Variants in CAPN13 observed in about 807,000 individuals in gnomAD.
CAPN13 encodes calpain 13, also known as calpain-13.
In CAPN13, 90 loss-of-function variants were observed where a neutral mutation model predicts 98.4. That is an observed-to-expected ratio of 0.92 (90% CI 0.77 to 1.09). CAPN13 has a LOEUF of 1.09. CAPN13 is among the 50% of genes least tolerant of loss of function. The pLI, the probability that CAPN13 is intolerant of heterozygous loss-of-function variation, is 0.00. For synonymous variants in CAPN13, 330 were observed against 305.5 expected (o/e 1.08, Z -0.84); for missense variants, 887 against 841.3 (o/e 1.05, Z -0.67).
chr2:30,730,671 G>C (rs1671038218), intron 22 of CAPN13, 59 bp downstream of exon 22: 2 of 770,260 alleles, frequency 2.6e-6, no homozygotes, highest in South Asian at 2.8e-5. Flanking sequence ...GCAGTTCTTA[G>C]AGGGGAAGGA....
At chr2:30,799,839 C>T (rs1675084289) in intron 1 of CAPN13, among the ~76,000 whole-genome samples, 1 of 152,022 alleles carries the variant, frequency 6.6e-6, no homozygotes, top group Admixed American at 6.5e-5. Context: ...TTTGGGAGGC[C>T]AAGGTGGGCG....
intron 4 of CAPN13, among the ~76,000 whole-genome samples, chr2:30,774,538 GTGGCAATATATTTGAAAATA>G (rs1436687440): frequency 1.3e-5 from 2 of 152,172 alleles, no homozygotes; most frequent in Non-Finnish European, 2.9e-5. Context: ...AAGCAACTCA[GTGGCAATATATTTGAAAATA>G]CCGAAGAAAC....
intron 2 of CAPN13, among the ~76,000 whole-genome samples, chr2:30,786,155 T>C (rs1674266286): frequency 1.3e-5 from 2 of 152,184 alleles, no homozygotes; most frequent in Admixed American, 6.5e-5. Flanking sequence ...TAGTCACCAA[T>C]AGAAAATAAC....
chr2:30,785,850 C>G (rs1190506342), intron 2 of CAPN13, among the ~76,000 whole-genome samples: 1 of 152,168 alleles, frequency 6.6e-6, no homozygotes, highest in African/African-American at 2.4e-5. Context: ...TCTGCTTCAG[C>G]TCTCCTTAGG....
intron 22 of CAPN13, among the ~76,000 whole-genome samples, chr2:30,730,290 T>A (rs1440795594): frequency 2.0e-5 from 3 of 152,224 alleles, no homozygotes; most frequent in Non-Finnish European, 4.4e-5. Context: ...TGCCTACAGA[T>A]GTTCATCATC....
intron 5 of CAPN13, among the ~76,000 whole-genome samples, chr2:30,766,954 T>G (rs1391937352): frequency 6.6e-6 from 1 of 152,176 alleles, no homozygotes; most frequent in African/African-American, 2.4e-5. Flanking sequence ...AGGGAAGAGG[T>G]CCCTCTCCAT....
chr2:30,796,146 A>ATATATATATATATACATATATATGTGTG (rs1558347241), intron 1 of CAPN13, among the ~76,000 whole-genome samples: 1 of 144,576 alleles, frequency 6.9e-6, no homozygotes, highest in Non-Finnish European at 1.5e-5. Context: ...ATATGTGTGT[A>ATATATATATATATACATATATATGTGTG]TATATATATA....
chr2:30,745,759 G>A, intron 11 of CAPN13, 25 bp from the exon 12 acceptor site: 1 of 1,593,010 alleles, frequency 6.3e-7, no homozygotes, highest in Non-Finnish European at 8.5e-7. Flanking sequence ...GAGAAAGGCA[G>A]ATTTAGGAAC....
At chr2:30,725,681 G>T (rs993319758) in intron 22 of CAPN13, among the ~76,000 whole-genome samples, 1 of 152,160 alleles carries the variant, frequency 6.6e-6, no homozygotes, top group Non-Finnish European at 1.5e-5. Flanking sequence ...TCTCTGGATC[G>T]AATCCTGGCT....
At chr2:30,732,352 C>CTGGGG in intron 20 of CAPN13, 86 bp downstream of exon 20, 1 of 1,560,210 alleles carries the variant, frequency 6.4e-7, no homozygotes, top group Non-Finnish European at 8.7e-7. Context: ...TCACGCAGAC[C>CTGGGG]TGGGGTGGGG....
intron 1 of CAPN13, among the ~76,000 whole-genome samples, chr2:30,795,422 T>A (rs142181960): frequency 4.3e-4 from 65 of 152,218 alleles, no homozygotes; most frequent in African/African-American, 1.5e-3. Flanking sequence ...TCACTAACTC[T>A]TGGTATTGGC....
At chr2:30,755,258 C>G (rs1184229388) in intron 8 of CAPN13, among the ~76,000 whole-genome samples, 1 of 152,024 alleles carries the variant, frequency 6.6e-6, no homozygotes, top group African/African-American at 2.4e-5. Context: ...TTGCTTGGCC[C>G]CCAAATGCCC....
At chr2:30,796,282 G>A (rs1409722497) in intron 1 of CAPN13, among the ~76,000 whole-genome samples, 1 of 146,628 alleles carries the variant, frequency 6.8e-6, no homozygotes, top group Non-Finnish European at 1.5e-5. Context: ...TTTTTAAAAA[G>A]TATTTGATAA....
intron 15 of CAPN13, 85 bp from the exon 16 acceptor site, chr2:30,738,542 G>T (rs980040061): frequency 2.9e-6 from 4 of 1,395,480 alleles, no homozygotes; most frequent in Non-Finnish European, 4.0e-6. Context: ...AAAGCACTCA[G>T]ATTTCCAAGC....
At chr2:30,798,266 T>G (rs1309817767) in intron 1 of CAPN13, among the ~76,000 whole-genome samples, 2 of 152,202 alleles carry the variant, frequency 1.3e-5, no homozygotes, top group Non-Finnish European at 2.9e-5. Context: ...GAAGAGAACT[T>G]CCAATGACAT....
intron 15 of CAPN13, among the ~76,000 whole-genome samples, chr2:30,740,889 A>T (rs1671618179): frequency 6.6e-6 from 1 of 152,212 alleles, no homozygotes; most frequent in Non-Finnish European, 1.5e-5. Flanking sequence ...GCTAACCTTC[A>T]TTCACTCAGG....
chr2:30,747,052 T>A (rs1212419303), intron 11 of CAPN13, among the ~76,000 whole-genome samples: 3 of 152,200 alleles, frequency 2.0e-5, no homozygotes, highest in African/African-American at 7.2e-5. Flanking sequence ...TAGATGGGAA[T>A]TCGTTCTTGC....
At chr2:30,727,761 T>A (rs1385012341) in intron 22 of CAPN13, among the ~76,000 whole-genome samples, 2 of 152,078 alleles carry the variant, frequency 1.3e-5, no homozygotes, top group Non-Finnish European at 2.9e-5. Context: ...CCTCAAAAAT[T>A]TACAAATAGA....
At chr2:30,745,448 A>G (rs1055271569) in intron 12 of CAPN13, among the ~76,000 whole-genome samples, 3 of 152,166 alleles carry the variant, frequency 2.0e-5, no homozygotes, top group African/African-American at 4.8e-5. Flanking sequence ...ATCTCCATCA[A>G]TCTTCTCTAT....
Sources: gnomAD v4.1 joint callset for allele counts (sites outside exome capture counted in the v4.1 genomes callset) on GRCh38, gnomAD v4.1.1 for gene constraint, MANE v1.5 for transcripts, NCBI Gene and HGNC (gene_info 2026-07-23, HGNC 2026-07-21) for gene names.